The following PTGFRN variants were observed in gnomAD, a reference collection of about 807,000 sequenced individuals.
PTGFRN encodes prostaglandin F2 receptor inhibitor.
Under a neutral mutation model 83.2 loss-of-function variants are expected in PTGFRN, and 35 were observed. The observed-to-expected ratio is 0.42, with a 90% CI of 0.32 to 0.56. The LOEUF is 0.56. Among genes scored for constraint, PTGFRN ranks in the 20% least tolerant of loss-of-function variants. The pLI is 0.11. For missense variants in PTGFRN, 1,051 were observed against 1,179.5 expected (o/e 0.89, Z 1.60); for synonymous variants, 519 against 498.6 (o/e 1.04, Z -0.55).
At chr1:116,912,504 T>C (rs1649298000) in intron 1 of PTGFRN, among the ~76,000 whole-genome samples, 1 of 152,166 alleles carries the variant, frequency 6.6e-6, no homozygotes, top group African/African-American at 2.4e-5. Context: ...ATTCACGTAG[T>C]CTCTCAATTC....
chr1:116,927,820 G>A (rs900509168), intron 1 of PTGFRN, among the ~76,000 whole-genome samples: 1 of 151,972 alleles, frequency 6.6e-6, no homozygotes, highest in African/African-American at 2.4e-5. Context: ...CAGGTGTGAT[G>A]CAGGAGGTAA....
rs59435095 is a variant in PTGFRN at position 116,972,161 on chromosome 1, A to G, written c.2060-2055A>G. On this transcript the variant is annotated intron_variant, in intron 6 of 8. Coordinates refer to ENST00000393203, the MANE Select transcript of PTGFRN (RefSeq NM_020440.4). ...GCTCCAGGCAGAGCAAGTCCAGGGTATAAGGCCCGAGGGAGCCAGGGCTGA... is the reference window on the plus strand; with the variant it reads ...GCTCCAGGCAGAGCAAGTCCAGGGTGTAAGGCCCGAGGGAGCCAGGGCTGA... 4.9e-3 allele frequency among the ~76,000 whole-genome samples: 750 copies of G among 152,362 alleles called. 4 individuals carry two copies. The highest frequency in any genetic ancestry group is 0.017 in the African/African-American group (715 of 41,584).
In PTGFRN at chr1:116,961,493, T is replaced by C. The variant is rs770774640; in HGVS notation, c.1464T>C (p.Phe488=). 1.2e-6 allele frequency: 2 copies of C among 1,614,166 alleles called. No individual in the cohort carries two copies. The highest frequency in any genetic ancestry group is 1.7e-5 in the Admixed American group (1 of 60,024). The change falls in exon 5 of 9, where the codon TTT becomes TTC. Residue 488 remains phenylalanine, a synonymous_variant. Transcript: ENST00000393203. This position sits in a 1 kb window ranked among gnomAD's most constrained non-coding sequence, Gnocchi z 5.4. ...AGCAGCGGGCCCAGGATGGAGACTT[T>C]ATTTTTTCTAAGGAACATACAGACA... ...RSKQRAQDGD[F]IFSKEHTDTF... is the part of the protein sequence containing the mutation.
At chr1:116,977,323 A>G (rs1651185702) in intron 7 of PTGFRN, among the ~76,000 whole-genome samples, 1 of 152,206 alleles carries the variant, frequency 6.6e-6, no homozygotes, top group African/African-American at 2.4e-5. Context: ...TGAGACAGAA[A>G]GTTAACAAGG....
rs147606477 is a variant in PTGFRN, at chr1:116,961,412, C to A, written c.1383C>A (p.Ser461Arg). 6.2e-7 allele frequency: 1 copy of A among 1,613,850 alleles called. No homozygotes were observed. Among genetic ancestry groups the A allele is most frequent in the South Asian group, 1.1e-5 (1 of 91,054 alleles). ...GGCGCAGCGACAATGTGGTGACCAG[C>A]GAGCTGCTTGCAGTCATGGACGGGG... is the stretch of plus-strand genomic sequence containing the variant. ...MNRRSDNVVT[S>R]ELLAVMDGDW... The change falls in exon 5 of 9, where the codon AGC becomes AGA. Residue 461 changes from serine (S) to arginine (R), a missense_variant. Ser to Arg is a moderately radical substitution (Grantham distance 110). Coordinates refer to ENST00000393203, the MANE Select transcript of PTGFRN (RefSeq NM_020440.4). The surrounding 1 kb of genome is among the most constrained non-coding windows in gnomAD (Gnocchi z 5.4).
At chr1:116,947,953 A>G (rs1650243220) in intron 3 of PTGFRN, among the ~76,000 whole-genome samples, 1 of 152,174 alleles carries the variant, frequency 6.6e-6, no homozygotes, top group Non-Finnish European at 1.5e-5. Context: ...GTCTAGCTGG[A>G]TCTTGAACTT....
At chr1:116,982,572 A>G (rs1261028658) in intron 7 of PTGFRN, among the ~76,000 whole-genome samples, 1 of 152,018 alleles carries the variant, frequency 6.6e-6, no homozygotes, top group Non-Finnish European at 1.5e-5. Flanking sequence ...AAGACAGACA[A>G]GCACGCGAGT....
chr1:116,933,893 ATATCT>A (rs1649858205), intron 1 of PTGFRN, among the ~76,000 whole-genome samples: 1 of 152,184 alleles, frequency 6.6e-6, no homozygotes, highest in Non-Finnish European at 1.5e-5. Context: ...TTTATGATAC[ATATCT>A]TATCTTGCAT....
chr1:116,936,463 A>G (rs1279171850), intron 1 of PTGFRN, among the ~76,000 whole-genome samples: 1 of 152,216 alleles, frequency 6.6e-6, no homozygotes, highest in Non-Finnish European at 1.5e-5. Flanking sequence ...CATATAGCCA[A>G]TGTTGAAGGT....
At position 116,987,011 on chromosome 1, in the gene PTGFRN, T is replaced by C. The variant is rs753657246; in HGVS notation, c.*44T>C. The C allele has an allele frequency of 3.3e-5, 53 of 1,608,708 alleles. No individual in the cohort carries two copies. The South Asian group carries it at 3.3e-4, about 10-fold the overall frequency. ...TGACAGAGGGACGTTCTAGGAGCAATTGGGGCAAGAAGAGGACAGTGATAT... is the reference window on the plus strand; with the variant it reads ...TGACAGAGGGACGTTCTAGGAGCAACTGGGGCAAGAAGAGGACAGTGATAT... On this transcript the variant is annotated 3_prime_UTR_variant, in exon 9 of 9. Transcript: ENST00000393203.
At chr1:116,975,044 A>G (rs1479093485) in intron 7 of PTGFRN, among the ~76,000 whole-genome samples, 1 of 152,152 alleles carries the variant, frequency 6.6e-6, no homozygotes, top group Non-Finnish European at 1.5e-5. Flanking sequence ...CGCTTTTCCT[A>G]TGGTCTTAGC....
intron 1 of PTGFRN, among the ~76,000 whole-genome samples, chr1:116,937,968 A>G (rs1649963866): frequency 6.6e-6 from 1 of 152,296 alleles, no homozygotes; most frequent in South Asian, 2.1e-4. Flanking sequence ...ACTGAGGCAC[A>G]AGAGGGTTAA....
chr1:116,936,894 T>C, intron 1 of PTGFRN, among the ~76,000 whole-genome samples: 1 of 152,270 alleles, frequency 6.6e-6, no homozygotes, highest in Middle Eastern at 3.4e-3. Flanking sequence ...TCACTACTCA[T>C]ATGGAACTTA....
At chr1:116,970,755 A>G (rs1310064860) in intron 6 of PTGFRN, among the ~76,000 whole-genome samples, 1 of 152,212 alleles carries the variant, frequency 6.6e-6, no homozygotes, top group African/African-American at 2.4e-5. Flanking sequence ...CCACCAGCAA[A>G]CATTGATTTG....
At chr1:116,935,908 T>G (rs369294170) in intron 1 of PTGFRN, among the ~76,000 whole-genome samples, 5 of 152,172 alleles carry the variant, frequency 3.3e-5, no homozygotes, top group African/African-American at 1.2e-4. Context: ...CTGATAAATG[T>G]TTTTCGTATG....
At chr1:116,940,230 G>C (rs541619203) in intron 1 of PTGFRN, among the ~76,000 whole-genome samples, 1 of 152,200 alleles carries the variant, frequency 6.6e-6, no homozygotes, top group Non-Finnish European at 1.5e-5. Flanking sequence ...TCAAGGTGTC[G>C]GGGAGTGGTT....
chr1:116,942,314 G>A (rs915438058), intron 2 of PTGFRN, among the ~76,000 whole-genome samples: 1 of 152,212 alleles, frequency 6.6e-6, no homozygotes, highest in Non-Finnish European at 1.5e-5. Context: ...CTTCACTCCG[G>A]TATGGTTCTG....
intron 5 of PTGFRN, among the ~76,000 whole-genome samples, chr1:116,964,599 A>G (rs10923184): frequency 0.18 from 26,780 of 152,094 alleles, 2,550 homozygotes; most frequent in Middle Eastern, 0.25. Context: ...TTTAAATACC[A>G]TCTAGAAACC....
intron 7 of PTGFRN, among the ~76,000 whole-genome samples, chr1:116,979,998 C>G (rs1651266131): frequency 6.7e-6 from 1 of 149,912 alleles, no homozygotes; most frequent in Non-Finnish European, 1.5e-5. Context: ...TATCCAGACT[C>G]TACGAAGAAC....
Sources: gnomAD v4.1 joint callset for allele counts (sites outside exome capture counted in the v4.1 genomes callset) on GRCh38, gnomAD v4.1.1 for gene constraint, Gnocchi (gnomAD v3.1) non-coding constraint, MANE v1.5 for transcripts, NCBI Gene and HGNC (gene_info 2026-07-23, HGNC 2026-07-21) for gene names.